LYPLAL1: variants seen among roughly 807,000 people sequenced by gnomAD.
The protein encoded by LYPLAL1 is lysophospholipase like 1.
LYPLAL1 carries 23 observed loss-of-function variants against 19.7 expected under a neutral mutation model. That is an observed-to-expected ratio of 1.17 (90% CI 0.84 to 1.65). The LOEUF is 1.65. LYPLAL1 is among the 40% of genes most tolerant of loss of function. The pLI, the probability that LYPLAL1 is intolerant of heterozygous loss-of-function variation, is 0.00. For synonymous variants in LYPLAL1, 119 were observed against 96.3 expected, an observed-to-expected ratio of 1.24 and a Z score of -1.38; for missense variants, 355 against 279.4, an observed-to-expected ratio of 1.27 and a Z score of -1.93.
chr1:219,364,340 T>C, the LYPLAL1 span, among the ~76,000 whole-genome samples: 1 of 152,124 alleles, frequency 6.6e-6, no homozygotes, highest in Non-Finnish European at 1.5e-5. Flanking sequence ...TCATCTTAAC[T>C]CCCAAAATCT....
the LYPLAL1 span, among the ~76,000 whole-genome samples, chr1:219,317,742 C>T: frequency 6.6e-6 from 1 of 152,216 alleles, no homozygotes; most frequent in South Asian, 2.1e-4. Flanking sequence ...TGGTTTAATC[C>T]TGATAGTATA....
chr1:219,237,167 A>G, the LYPLAL1 span, among the ~76,000 whole-genome samples: 2 of 152,242 alleles, frequency 1.3e-5, no homozygotes, highest in Admixed American at 6.5e-5. Context: ...GAAATTTCCT[A>G]CTACACATTT....
chr1:219,441,040 G>A, the LYPLAL1 span, among the ~76,000 whole-genome samples: 1 of 152,150 alleles, frequency 6.6e-6, no homozygotes, highest in Admixed American at 6.6e-5. Flanking sequence ...AGAAAAGCAT[G>A]ATACGTGAAA....
the LYPLAL1 span, among the ~76,000 whole-genome samples, chr1:219,390,675 C>A: frequency 1.3e-5 from 2 of 152,190 alleles, no homozygotes; most frequent in Non-Finnish European, 1.5e-5. Context: ...CTGCATATTT[C>A]CCCTTCCCAA....
At chr1:219,444,174 C>T in the LYPLAL1 span, among the ~76,000 whole-genome samples, 1 of 152,186 alleles carries the variant, frequency 6.6e-6, no homozygotes, top group Admixed American at 6.5e-5. Context: ...CCCCCTTACC[C>T]AGACACCTTG....
chr1:219,433,062 C>T, the LYPLAL1 span, among the ~76,000 whole-genome samples: 7 of 152,146 alleles, frequency 4.6e-5, no homozygotes, highest in African/African-American at 1.7e-4. Context: ...GGAAAGTAGC[C>T]GTCTCTGGGT....
the LYPLAL1 span, among the ~76,000 whole-genome samples, chr1:219,375,490 T>TGAA: frequency 5.3e-5 from 2 of 37,466 alleles, no homozygotes; most frequent in Non-Finnish European, 1.0e-4. Flanking sequence ...AAACTCCTTC[T>TGAA]AAAAAAAAAA....
chr1:219,362,088 G>A, the LYPLAL1 span, among the ~76,000 whole-genome samples: 34 of 152,094 alleles, frequency 2.2e-4, no homozygotes, highest in Admixed American at 2.2e-3. Flanking sequence ...ATGTTAGGAA[G>A]AGGACTCCAA....
At chr1:219,380,202 G>A in the LYPLAL1 span, among the ~76,000 whole-genome samples, 1 of 152,196 alleles carries the variant, frequency 6.6e-6, no homozygotes, top group Non-Finnish European at 1.5e-5. Context: ...ATCTGAAACA[G>A]GCTTAGAACT....
At chr1:219,196,014 C>T (rs1277438589) in intron 3 of LYPLAL1, among the ~76,000 whole-genome samples, 1 of 152,088 alleles carries the variant, frequency 6.6e-6, no homozygotes, top group African/African-American at 2.4e-5. Context: ...TGATCTTGTT[C>T]CTTTTTATGG....
At chr1:219,436,683 C>T in the LYPLAL1 span, among the ~76,000 whole-genome samples, 58 of 152,058 alleles carry the variant, frequency 3.8e-4, no homozygotes, top group Non-Finnish European at 7.5e-4. Context: ...AAGTGTGTTA[C>T]CATTTCATAA....
chr1:219,431,399 C>T, the LYPLAL1 span, among the ~76,000 whole-genome samples: 1 of 152,178 alleles, frequency 6.6e-6, no homozygotes, highest in Non-Finnish European at 1.5e-5. Flanking sequence ...TACTTGAAAA[C>T]AAAAGTGGCT....
chr1:219,280,370 A>G, the LYPLAL1 span, among the ~76,000 whole-genome samples: 13 of 152,212 alleles, frequency 8.5e-5, no homozygotes, highest in Admixed American at 8.5e-4. Flanking sequence ...ATTATTCCTA[A>G]TATCTTTATG....
At chr1:219,224,613 A>T in the LYPLAL1 span, among the ~76,000 whole-genome samples, 3 of 152,220 alleles carry the variant, frequency 2.0e-5, no homozygotes, top group African/African-American at 4.8e-5. Context: ...CCACACTGCC[A>T]TAATGGTAGT....
chr1:219,431,161 A>C, the LYPLAL1 span, among the ~76,000 whole-genome samples: 1 of 152,216 alleles, frequency 6.6e-6, no homozygotes, highest in African/African-American at 2.4e-5. Context: ...GTTCAAATCC[A>C]CACAGTATGA....
chr1:219,290,267 A>G, the LYPLAL1 span, among the ~76,000 whole-genome samples: 2 of 152,160 alleles, frequency 1.3e-5, no homozygotes, highest in African/African-American at 4.8e-5. Context: ...CATGTCTTCC[A>G]TCTCACTGTT....
the LYPLAL1 span, among the ~76,000 whole-genome samples, chr1:219,414,806 A>T: frequency 6.6e-6 from 1 of 152,170 alleles, no homozygotes; most frequent in African/African-American, 2.4e-5. Context: ...TTCCATAATT[A>T]TTTAATGAAT....
the LYPLAL1 span, among the ~76,000 whole-genome samples, chr1:219,366,093 C>A: frequency 6.6e-6 from 1 of 152,120 alleles, no homozygotes; most frequent in Admixed American, 6.6e-5. Flanking sequence ...CATCATGTTG[C>A]TATAGTGGGA....
the LYPLAL1 span, among the ~76,000 whole-genome samples, chr1:219,358,477 G>A: frequency 6.6e-6 from 1 of 152,138 alleles, no homozygotes; most frequent in East Asian, 1.9e-4. Context: ...GCCCGAGACT[G>A]GGTAATTTAT....
Sources: allele counts gnomAD v4.1 joint callset (sites outside exome capture counted in the v4.1 genomes callset), GRCh38; gene constraint gnomAD v4.1.1; transcripts MANE v1.5; gene names NCBI Gene and HGNC (gene_info 2026-07-23, HGNC 2026-07-21).